The following C8orf34 variants were observed in gnomAD, a reference collection of about 807,000 sequenced individuals.
C8orf34 encodes uncharacterized protein C8orf34.
C8orf34 carries 65 observed loss-of-function variants against 68.3 expected under a neutral mutation model. The ratio of observed to expected loss-of-function variants is 0.95; its 90% CI spans 0.78 to 1.17. The LOEUF is 1.17. C8orf34 is among the 50% of genes most tolerant of loss of function. The pLI is 0.00. For missense variants in C8orf34, 664 were observed against 655.4 expected, an observed-to-expected ratio of 1.01 and a Z score of -0.14; for synonymous variants, 244 against 241.2, an observed-to-expected ratio of 1.01 and a Z score of -0.11.
At chr8:68,605,890 G>A (rs923743526) in intron 7 of C8orf34, among the ~76,000 whole-genome samples, 4 of 152,110 alleles carry the variant, frequency 2.6e-5, no homozygotes, top group African/African-American at 9.7e-5. Flanking sequence ...ATGATGATGT[G>A]TTAATGTAGG....
rs1020538709 is a variant in C8orf34, at chr8:68,708,933, T to TAGTTC, written c.1242-59_1242-55dup. 161 of 1,179,112 alleles carry TAGTTC rather than the reference T, an allele frequency of 1.4e-4. 1 individual carries two copies. The South Asian group carries it at 1.7e-3, about 12-fold the overall frequency. The allele number at this position is 1,179,112 out of a possible 1,614,324, so 73.0% of individuals were successfully genotyped here. On this transcript the variant is annotated intron_variant, in intron 8 of 13. Coordinates refer to ENST00000518698, the MANE Select transcript of C8orf34 (RefSeq NM_052958.4). ...TCACAGCCATGTCCCCCATGGTGCA[T>TAGTTC]AGTTCACATTTCACAATTTAACATT...
chr8:68,781,340 A>G (rs1282456263), intron 11 of C8orf34, among the ~76,000 whole-genome samples: 2 of 152,210 alleles, frequency 1.3e-5, no homozygotes, highest in Non-Finnish European at 2.9e-5. Flanking sequence ...CAGAGCTAGC[A>G]ACCATGTTCC....
intron 8 of C8orf34, among the ~76,000 whole-genome samples, chr8:68,685,199 A>G (rs1820479537): frequency 6.6e-6 from 1 of 152,110 alleles, no homozygotes; most frequent in African/African-American, 2.4e-5. Context: ...ATCATTTATT[A>G]CTTTTTGATA....
chr8:68,568,217 T>G (rs1170885962), intron 7 of C8orf34, among the ~76,000 whole-genome samples: 2 of 152,140 alleles, frequency 1.3e-5, no homozygotes, highest in African/African-American at 4.8e-5. Flanking sequence ...GCTGTGGTGC[T>G]TTCTTATCAT....
intron 10 of C8orf34, among the ~76,000 whole-genome samples, chr8:68,759,743 A>T (rs1034588919): frequency 1.3e-5 from 2 of 152,238 alleles, no homozygotes; most frequent in East Asian, 3.8e-4. Flanking sequence ...TGAATTCTTA[A>T]GTAGGATTTT....
intron 12 of C8orf34, 95 bp downstream of exon 12, chr8:68,787,631 T>TA (rs879563590): frequency 0.049 from 27,679 of 560,262 alleles, no homozygotes; most frequent in East Asian, 0.065. Context: ...ACAACTTCTG[T>TA]AAAAAAAAAA....
chr8:68,576,124 C>T (rs557967580), intron 7 of C8orf34, among the ~76,000 whole-genome samples: 13 of 150,918 alleles, frequency 8.6e-5, no homozygotes, highest in Admixed American at 2.0e-4. Context: ...TACTTACCAC[C>T]AATTAAATAT....
intron 2 of C8orf34, 21 bp from the exon 3 acceptor site, chr8:68,446,306 TTA>T: frequency 6.4e-7 from 1 of 1,558,682 alleles, no homozygotes; most frequent in Non-Finnish European, 8.6e-7. Flanking sequence ...TGTTGCCATT[TTA>T]TATATATTTT....
rs537115579 is a variant in C8orf34, at chr8:68,721,920, A to AT, written c.1404+489dup. ...CTATATAAATTCTAAATAAAAATAA[A>AT]TTTTTTACAAATTCTAAAGTTCATA... On this transcript the variant is annotated intron_variant, in intron 10 of 13. Transcript: ENST00000518698. 3.3e-5 allele frequency among the ~76,000 whole-genome samples: 5 copies of AT among 152,154 alleles called. No individual in the cohort carries two copies. In the East Asian group the frequency reaches 9.6e-4, roughly 29 times the overall value.
At chr8:68,334,550 T>G (rs973858553) in intron 1 of C8orf34, among the ~76,000 whole-genome samples, 2 of 152,082 alleles carry the variant, frequency 1.3e-5, no homozygotes, top group Non-Finnish European at 2.9e-5. Context: ...GGAAGAGTGC[T>G]CAGGGCAGTT....
intron 9 of C8orf34, among the ~76,000 whole-genome samples, chr8:68,709,538 C>G (rs1250480579): frequency 1.3e-5 from 2 of 152,072 alleles, no homozygotes; most frequent in African/African-American, 4.8e-5. Context: ...ATCATACTCC[C>G]TCTCTCCCAG....
intron 1 of C8orf34, among the ~76,000 whole-genome samples, chr8:68,426,458 G>T (rs1242536829): frequency 7.2e-6 from 1 of 138,394 alleles, no homozygotes; most frequent in Non-Finnish European, 1.5e-5. Flanking sequence ...GGCGGAGGTT[G>T]TAGTGAGCGG....
intron 5 of C8orf34, among the ~76,000 whole-genome samples, chr8:68,512,293 A>C (rs182155140): frequency 6.6e-6 from 1 of 152,358 alleles, no homozygotes; most frequent in Non-Finnish European, 1.5e-5. Flanking sequence ...AACATACATT[A>C]GCGTTATTCA....
chr8:68,443,393 C>T (rs1019254284), intron 2 of C8orf34, among the ~76,000 whole-genome samples: 3 of 151,872 alleles, frequency 2.0e-5, no homozygotes, highest in Non-Finnish European at 4.4e-5. Context: ...TTTGGTGAAT[C>T]TTTTCTTTGT....
chr8:68,503,614 G>A (rs1813872974), intron 5 of C8orf34, among the ~76,000 whole-genome samples: 4 of 152,008 alleles, frequency 2.6e-5, no homozygotes, highest in South Asian at 2.1e-4. Flanking sequence ...AACATATGAG[G>A]TGCTTTTTGG....
At chr8:68,717,369 T>C (rs1821505097) in intron 9 of C8orf34, among the ~76,000 whole-genome samples, 1 of 152,042 alleles carries the variant, frequency 6.6e-6, no homozygotes, top group Non-Finnish European at 1.5e-5. Context: ...GGCAGGTGCC[T>C]GTAGTCCCAG....
At chr8:68,386,199 T>C (rs1191298499) in intron 1 of C8orf34, among the ~76,000 whole-genome samples, 1 of 152,118 alleles carries the variant, frequency 6.6e-6, no homozygotes, top group Non-Finnish European at 1.5e-5. Flanking sequence ...GAGCCACCCA[T>C]ACCCGGCCTA....
At chr8:68,475,884 T>C (rs1007151896) in intron 4 of C8orf34, among the ~76,000 whole-genome samples, 1 of 152,154 alleles carries the variant, frequency 6.6e-6, no homozygotes, top group East Asian at 1.9e-4. Flanking sequence ...TCCATGGATT[T>C]CAGTTCATAT....
chr8:68,751,323 G>T (rs534400150), intron 10 of C8orf34, among the ~76,000 whole-genome samples: 22 of 152,282 alleles, frequency 1.4e-4, no homozygotes, highest in African/African-American at 5.3e-4. Flanking sequence ...CAATTACATG[G>T]TATTTCAAGT....
Sources: allele counts gnomAD v4.1 joint callset (sites outside exome capture counted in the v4.1 genomes callset), GRCh38; gene constraint gnomAD v4.1.1; transcripts MANE v1.5; gene names NCBI Gene and HGNC (gene_info 2026-07-23, HGNC 2026-07-21).